ZSCAN25: variants seen among roughly 807,000 people sequenced by gnomAD.
ZSCAN25 encodes the protein zinc finger and SCAN domain-containing protein 25.
Under a neutral mutation model 38.7 loss-of-function variants are expected in ZSCAN25, and 27 were observed. The observed-to-expected ratio is 0.70, with a 90% CI of 0.51 to 0.96. The LOEUF (loss-of-function observed/expected upper bound fraction) is 0.96. Among genes scored for constraint, ZSCAN25 ranks in the 40% least tolerant of loss-of-function variants. The probability of loss-of-function intolerance (pLI) is 0.00; values close to 1 mark genes in which losing one functional copy is unlikely to be tolerated. For missense variants in ZSCAN25, 637 were observed against 705.9 expected (o/e 0.90, Z 1.11); for synonymous variants, 273 against 277.7 (o/e 0.98, Z 0.17).
In ZSCAN25 at chr7:99,622,546, C is replaced by T. The variant is rs572705573; in HGVS notation, c.590-3C>T. ...CTTTCTCATGCTTTTTGTCCCTGCT[C>T]AGCACTACCTGTTCTGCAGGCGGGT... On this transcript the variant is annotated splice_region_variant and splice_polypyrimidine_tract_variant and intron_variant, in intron 5 of 7. Transcript: ENST00000394152. 4.4e-5 allele frequency: 71 copies of T among 1,614,108 alleles called. No homozygotes were observed. The South Asian group carries it at 5.8e-4, about 13-fold the overall frequency.
the ZSCAN25 span, among the ~76,000 whole-genome samples, chr7:99,680,534 G>T: frequency 1.5e-4 from 23 of 152,226 alleles, no homozygotes; most frequent in African/African-American, 5.5e-4. Context: ...CCTTAGCAGA[G>T]GTGAGCTCCT....
At chr7:99,705,214 G>A in the ZSCAN25 span, 2 of 345,236 alleles carry the variant, frequency 5.8e-6, no homozygotes, top group Non-Finnish European at 1.1e-5. Context: ...AGCTCAGGAG[G>A]AGTTAATGGT....
chr7:99,732,679 T>C, the ZSCAN25 span, among the ~76,000 whole-genome samples: 1 of 152,052 alleles, frequency 6.6e-6, no homozygotes, highest in South Asian at 2.1e-4. Flanking sequence ...ATGGAAGAGG[T>C]AGCCAGCCAT....
chr7:99,704,474 A>G, the ZSCAN25 span, among the ~76,000 whole-genome samples: 4 of 151,992 alleles, frequency 2.6e-5, no homozygotes, highest in Non-Finnish European at 5.9e-5. Context: ...TATTTTTAGT[A>G]GAAAGGGGGC....
the ZSCAN25 span, among the ~76,000 whole-genome samples, chr7:99,718,054 A>C: frequency 6.6e-6 from 1 of 152,094 alleles, no homozygotes; most frequent in African/African-American, 2.4e-5. Flanking sequence ...GATGTGGTAG[A>C]TTTAAAAAAA....
At chr7:99,703,459 A>G in the ZSCAN25 span, among the ~76,000 whole-genome samples, 4 of 152,186 alleles carry the variant, frequency 2.6e-5, no homozygotes, top group Non-Finnish European at 5.9e-5. Context: ...AGAAGTAGGA[A>G]ATATATGGTT....
intron 4 of ZSCAN25, 154 bp downstream of exon 4, chr7:99,620,147 C>T (rs1346477524): frequency 7.0e-6 from 8 of 1,145,312 alleles, no homozygotes; most frequent in African/African-American, 4.7e-5. Context: ...AGAGCAGTGG[C>T]GTTTTCAGCA....
chr7:99,718,336 A>G, the ZSCAN25 span, among the ~76,000 whole-genome samples: 1 of 152,206 alleles, frequency 6.6e-6, no homozygotes, highest in African/African-American at 2.4e-5. Flanking sequence ...TTCTATTAAC[A>G]TTCTTTCCTC....
chr7:99,641,058 G>A, the ZSCAN25 span, among the ~76,000 whole-genome samples: 1 of 152,194 alleles, frequency 6.6e-6, no homozygotes. Flanking sequence ...GAAGGTGGTA[G>A]GAGAGCTTTT....
At chr7:99,717,620 A>T in the ZSCAN25 span, 1 of 1,613,584 alleles carries the variant, frequency 6.2e-7, no homozygotes, top group Non-Finnish European at 8.5e-7. Flanking sequence ...ATTTTTCATA[A>T]ATCCCACTGG....
the ZSCAN25 span, among the ~76,000 whole-genome samples, chr7:99,709,788 G>GTGTGTA: frequency 1.3e-3 from 198 of 150,262 alleles, 1 homozygote; most frequent in East Asian, 2.1e-3. Context: ...GTGTGTGTGT[G>GTGTGTA]TATATATATA....
At chr7:99,720,373 A>G in the ZSCAN25 span, 56 of 1,613,690 alleles carry the variant, frequency 3.5e-5, no homozygotes, top group South Asian at 6.1e-4. Context: ...TCATGTCGGG[A>G]TCTGTGATAG....
At chr7:99,620,469 A>G (rs575022730) in intron 4 of ZSCAN25, 1 of 158,798 alleles carries the variant, frequency 6.3e-6, no homozygotes, top group East Asian at 1.9e-4. Context: ...GTGATTTGGC[A>G]CCGCACGTGC....
At chr7:99,698,328 A>G in the ZSCAN25 span, among the ~76,000 whole-genome samples, 6 of 152,330 alleles carry the variant, frequency 3.9e-5, no homozygotes, top group East Asian at 1.2e-3. Flanking sequence ...CCAGGCTTGA[A>G]GCAGATGAGA....
At chr7:99,658,902 G>A in the ZSCAN25 span, 5 of 152,120 alleles carry the variant, frequency 3.3e-5, no homozygotes, top group African/African-American at 4.8e-5. Context: ...CATTCATCAC[G>A]TAGTTCTCGT....
the ZSCAN25 span, chr7:99,676,229 C>G: frequency 6.2e-7 from 1 of 1,612,936 alleles, no homozygotes; most frequent in South Asian, 1.1e-5. Flanking sequence ...AAACAGAAAT[C>G]AGGTCACAGG....
rs1053521557 is a variant in ZSCAN25 at position 99,630,800 on chromosome 7, T to G, written c.*780T>G. ...ATAACAACTGTCAACACACCAACTA[T>G]TAGGAAGTTAGTATTTTGCTATTGA... On this transcript the variant is annotated 3_prime_UTR_variant, in exon 8 of 8. Coordinates refer to ENST00000394152, the MANE Select transcript of ZSCAN25 (RefSeq NM_145115.3). 3 of 985,302 alleles carry G rather than the reference T, an allele frequency of 3.0e-6. No homozygotes were observed. In the African/African-American group the frequency reaches 5.2e-5, roughly 17 times the overall value. The allele number at this position is 985,302 out of a possible 1,614,324, so 61.0% of individuals were successfully genotyped here. A position where few individuals can be genotyped will look rare whatever the true frequency, so the allele number is the denominator to read the frequency against.
chr7:99,686,673 C>T, the ZSCAN25 span, among the ~76,000 whole-genome samples: 4 of 152,286 alleles, frequency 2.6e-5, no homozygotes, highest in Non-Finnish European at 4.4e-5. Flanking sequence ...TCTCCCAGCA[C>T]GCAGCTGGAG....
chr7:99,641,610 A>G, the ZSCAN25 span, among the ~76,000 whole-genome samples: 1 of 152,140 alleles, frequency 6.6e-6, no homozygotes, highest in African/African-American at 2.4e-5. Context: ...ACTTACCACC[A>G]CAAAACCAAA....
Sources: gnomAD v4.1 joint callset for allele counts (sites outside exome capture counted in the v4.1 genomes callset) on GRCh38, gnomAD v4.1.1 for gene constraint, MANE v1.5 for transcripts, NCBI Gene and HGNC (gene_info 2026-07-23, HGNC 2026-07-21) for gene names.